CCDC30: variants seen among roughly 807,000 people sequenced by gnomAD.
CCDC30 encodes coiled-coil domain-containing protein 30.
CCDC30 carries 70 observed loss-of-function variants against 100.2 expected under a neutral mutation model. That is an observed-to-expected ratio of 0.70 (90% CI 0.58 to 0.85). The LOEUF (loss-of-function observed/expected upper bound fraction) is 0.85. Among genes scored for constraint, CCDC30 ranks in the 40% least tolerant of loss-of-function variants. The probability of loss-of-function intolerance (pLI) is 0.00; values close to 1 mark genes in which losing one functional copy is unlikely to be tolerated. For missense variants in CCDC30, 652 were observed against 771.2 expected (o/e 0.85, Z 1.83); for synonymous variants, 233 against 269.5 (o/e 0.86, Z 1.33).
At chr1:42,552,593 T>C (rs75508206) in intron 6 of CCDC30, among the ~76,000 whole-genome samples, 12,821 of 150,390 alleles carry the variant, frequency 0.085, 672 homozygotes, top group South Asian at 0.19. Flanking sequence ...AAATATACTT[T>C]AAATGGAAAA....
intron 6 of CCDC30, among the ~76,000 whole-genome samples, chr1:42,531,797 G>T (rs762099962): frequency 5.3e-5 from 8 of 152,114 alleles, no homozygotes; most frequent in Non-Finnish European, 1.0e-4. Flanking sequence ...TTTCTCCAAA[G>T]AACCCTGTCA....
At chr1:42,566,518 G>T in intron 7 of CCDC30, 43 bp downstream of exon 11, 1 of 1,525,790 alleles carries the variant, frequency 6.6e-7, no homozygotes, top group Non-Finnish European at 9.0e-7. Flanking sequence ...GTTTCAGTTG[G>T]CCCTGGGAAT....
intron 11 of CCDC30, among the ~76,000 whole-genome samples, chr1:42,615,721 A>G (rs1380997420): frequency 6.6e-6 from 1 of 152,186 alleles, no homozygotes; most frequent in Non-Finnish European, 1.5e-5. Context: ...AAGGAAGTGG[A>G]CCAAAGTGAA....
exon 7 of CCDC30, chr1:42,566,391 A>G: frequency 2.5e-6 from 4 of 1,614,012 alleles, no homozygotes; most frequent in Non-Finnish European, 2.5e-6. Flanking sequence ...TATGCAACTC[A>G]GCTGAAAATG....
chr1:42,606,769 A>C (rs72959623), intron 10 of CCDC30, among the ~76,000 whole-genome samples: 6,470 of 152,290 alleles, frequency 0.042, 445 homozygotes, highest in African/African-American at 0.14. Flanking sequence ...GAAACAAAGA[A>C]AAATTATGAC....
intron 1 of CCDC30, among the ~76,000 whole-genome samples, chr1:42,471,453 C>G (rs1643768681): frequency 6.6e-6 from 1 of 152,156 alleles, no homozygotes; most frequent in African/African-American, 2.4e-5. Context: ...CTTTGTGTGT[C>G]TGGTGTTTAC....
downstream of CCDC30, among the ~76,000 whole-genome samples, chr1:42,656,791 A>G (rs987539982): frequency 6.6e-6 from 1 of 152,246 alleles, no homozygotes; most frequent in Non-Finnish European, 1.5e-5. Flanking sequence ...TGAGGACCAA[A>G]TGAAATGAAG....
chr1:42,524,728 G>C (rs1159527258), intron 6 of CCDC30, among the ~76,000 whole-genome samples: 2 of 152,112 alleles, frequency 1.3e-5, no homozygotes, highest in African/African-American at 4.8e-5. Context: ...GCTGCTGCAG[G>C]GCTAAGAGCT....
intron 6 of CCDC30, chr1:42,536,850 C>T (rs1158282961): frequency 2.3e-6 from 1 of 443,312 alleles, no homozygotes; most frequent in Non-Finnish European, 4.0e-6. Flanking sequence ...AGATGGCCAC[C>T]TTCTTGCTGT....
intron 10 of CCDC30, among the ~76,000 whole-genome samples, chr1:42,597,844 G>T (rs149697925): frequency 2.8e-5 from 4 of 143,582 alleles, no homozygotes; most frequent in Non-Finnish European, 6.1e-5. Flanking sequence ...CAGCCTAGGG[G>T]ACAAAGCAAG....
intron 6 of CCDC30, among the ~76,000 whole-genome samples, chr1:42,553,501 T>A (rs1266466375): frequency 2.0e-5 from 3 of 149,102 alleles, no homozygotes; most frequent in Admixed American, 6.7e-5. Context: ...AAAAAAAAAA[T>A]ATGAAACTAC....
chr1:42,622,411 A>G (rs1389028374), intron 11 of CCDC30, among the ~76,000 whole-genome samples: 1 of 152,248 alleles, frequency 6.6e-6, no homozygotes, highest in African/African-American at 2.4e-5. Context: ...GAGTGCAGAT[A>G]TCTCTTCGAT....
At chr1:42,613,753 C>T (rs1448787444) in intron 11 of CCDC30, among the ~76,000 whole-genome samples, 1 of 152,146 alleles carries the variant, frequency 6.6e-6, no homozygotes, top group African/African-American at 2.4e-5. Flanking sequence ...AGGTCACTTT[C>T]ATTGCCATAT....
intron 6 of CCDC30, among the ~76,000 whole-genome samples, chr1:42,547,716 A>G (rs1409390620): frequency 6.6e-6 from 1 of 151,814 alleles, no homozygotes; most frequent in African/African-American, 2.4e-5. Flanking sequence ...ATGTTTTCCT[A>G]CTTGTTTATC....
intron 6 of CCDC30, among the ~76,000 whole-genome samples, chr1:42,504,496 A>G (rs994937825): frequency 6.6e-6 from 1 of 152,216 alleles, no homozygotes. Context: ...ATGTCGATGC[A>G]TGGTTCTGTC....
At chr1:42,585,676 T>G (rs1394145717) in intron 9 of CCDC30, among the ~76,000 whole-genome samples, 1 of 152,130 alleles carries the variant, frequency 6.6e-6, no homozygotes, top group African/African-American at 2.4e-5. Context: ...AATATATGCA[T>G]GTAATGCTAC....
chr1:42,646,234 T>G, exon 15 of CCDC30: 1 of 1,558,384 alleles, frequency 6.4e-7, no homozygotes, highest in Non-Finnish European at 8.7e-7. Flanking sequence ...CACTGAGGTC[T>G]TCACCAGCAA....
At chr1:42,588,522 A>C (rs11210676) in intron 9 of CCDC30, among the ~76,000 whole-genome samples, 60,572 of 151,994 alleles carry the variant, frequency 0.4, 12,552 homozygotes, top group Non-Finnish European at 0.45. Context: ...GTAACTCATT[A>C]GGGAGAGTGA....
At chr1:42,463,344 G>C (rs1390645122) in exon 1 of CCDC30, 2 of 152,254 alleles carry the variant, frequency 1.3e-5, no homozygotes, top group East Asian at 1.9e-4. Flanking sequence ...CGTAGGGGCC[G>C]AGCGACCCCG....
Sources: allele counts gnomAD v4.1 joint callset (sites outside exome capture counted in the v4.1 genomes callset), GRCh38; gene constraint gnomAD v4.1.1; transcripts MANE v1.5; gene names NCBI Gene and HGNC (gene_info 2026-07-23, HGNC 2026-07-21).